Variants in ZNF2 observed in about 807,000 individuals in gnomAD.
ZNF2 encodes the protein zinc finger protein 2.2.
A neutral mutation model predicts 21.9 loss-of-function variants in ZNF2; 12 were observed. That is an observed-to-expected ratio of 0.55 (90% CI 0.35 to 0.89). ZNF2 has a LOEUF of 0.89. Ranked by LOEUF, ZNF2 falls within the 40% of genes least tolerant of loss-of-function variation. The pLI is 0.01. For synonymous variants in ZNF2, 186 were observed against 196.3 expected, an observed-to-expected ratio of 0.95 and a Z score of 0.44; for missense variants, 462 against 544.2, an observed-to-expected ratio of 0.85 and a Z score of 1.50.
chr2:95,171,620 A>G (rs541711696), intron 1 of ZNF2, among the ~76,000 whole-genome samples: 14 of 152,170 alleles, frequency 9.2e-5, no homozygotes, highest in African/African-American at 3.4e-4. Flanking sequence ...TGACCTCGTG[A>G]TCCACCCGCC....
At chr2:95,167,223 G>T (rs1674092906) in intron 1 of ZNF2, among the ~76,000 whole-genome samples, 1 of 152,204 alleles carries the variant, frequency 6.6e-6, no homozygotes, top group Non-Finnish European at 1.5e-5. Flanking sequence ...AGATAATATG[G>T]CCGGGCACAG....
chr2:95,176,413 C>T (rs1237158224), intron 2 of ZNF2, among the ~76,000 whole-genome samples, 154 bp downstream of exon 2: 2 of 152,208 alleles, frequency 1.3e-5, no homozygotes, highest in Non-Finnish European at 2.9e-5. Context: ...TTGAGGTATC[C>T]TTTAGTGACC....
chr2:95,177,337 CCA>C (rs1191683737), intron 2 of ZNF2, 144 bp from the exon 3 acceptor site: 2 of 812,472 alleles, frequency 2.5e-6, no homozygotes, highest in African/African-American at 3.0e-5. Context: ...GCCACTTTTC[CCA>C]AATGCTTTAA....
chr2:95,178,571 G>T (rs562569754), intron 3 of ZNF2, among the ~76,000 whole-genome samples: 2 of 152,132 alleles, frequency 1.3e-5, no homozygotes, highest in Non-Finnish European at 2.9e-5. Context: ...CAGAAAACCC[G>T]GTAGACAATC....
chr2:95,183,735 C>G lies in ZNF2; in HGVS notation c.*1629C>G, dbSNP rs1359704982. 3.3e-5 allele frequency: 5 copies of G among 151,532 alleles called. No individual in the cohort carries two copies. Among genetic ancestry groups the G allele is most frequent in the African/African-American group, 1.2e-4 (5 of 41,104 alleles). The allele number at this position is 151,532 out of a possible 1,614,324, so 9.4% of individuals were successfully genotyped here. A position where few individuals can be genotyped will look rare whatever the true frequency, so the allele number is the denominator to read the frequency against. On this transcript the variant is annotated 3_prime_UTR_variant, in exon 5 of 5. Transcript: ENST00000614034. Reference sequence around the variant, plus strand: ...TCCCGGGTTCACGCCATTCTCCTGCCTCAGCCTCCCGAATAGCTGGGACTA... The same window carrying G: ...TCCCGGGTTCACGCCATTCTCCTGCGTCAGCCTCCCGAATAGCTGGGACTA...
intron 1 of ZNF2, among the ~76,000 whole-genome samples, chr2:95,172,825 C>T (rs1159656481): frequency 6.6e-6 from 1 of 151,784 alleles, no homozygotes; most frequent in Non-Finnish European, 1.5e-5. Flanking sequence ...TTAGTAGAGA[C>T]GGGATTTCAC....
Position 95,181,189 on chromosome 2 carries a change from C to T in ZNF2, c.361C>T (p.Leu121=). ...GGAATGCCTTGGAAGGCAAAGTCCT[C>T]TGTGTCCTAAATTTGAAGTTCATAC... is the stretch of plus-strand genomic sequence containing the variant. ...LRECLGRQSP[L]CPKFEVHTPN... is the part of the protein sequence containing the mutation. The change falls in exon 5 of 5, where the codon CTG becomes TTG. Residue 121 remains leucine (L), a synonymous_variant. Coordinates refer to ENST00000614034, the MANE Select transcript of ZNF2 (RefSeq NM_021088.4). 6.2e-7 allele frequency: 1 copy of T among 1,614,206 alleles called. No individual in the cohort carries two copies. Among genetic ancestry groups the T allele is most frequent in the Non-Finnish European group, 8.5e-7 (1 of 1,180,042 alleles).
At chr2:95,176,139 C>A in intron 1 of ZNF2, 49 bp from the exon 2 acceptor site, 1 of 1,511,460 alleles carries the variant, frequency 6.6e-7, no homozygotes, top group Non-Finnish European at 9.2e-7. Context: ...TGCGACAGGA[C>A]TGGTCTTTCT....
chr2:95,179,044 T>G (rs1410418446), intron 3 of ZNF2, among the ~76,000 whole-genome samples: 1 of 150,618 alleles, frequency 6.6e-6, no homozygotes, highest in Non-Finnish European at 1.5e-5. Flanking sequence ...TAGGTTGGAG[T>G]GCAGTGATGC....
intron 3 of ZNF2, among the ~76,000 whole-genome samples, 171 bp from the exon 4 acceptor site, chr2:95,179,988 T>C (rs543896681): frequency 9.9e-5 from 15 of 152,222 alleles, no homozygotes; most frequent in Non-Finnish European, 1.6e-4. Flanking sequence ...ACCTGGGAGA[T>C]GGAGGTTGCA....
intron 1 of ZNF2, among the ~76,000 whole-genome samples, chr2:95,168,339 C>T (rs1186190381): frequency 6.6e-6 from 1 of 151,528 alleles, no homozygotes; most frequent in Non-Finnish European, 1.5e-5. Context: ...GCAGGAGAAT[C>T]GCTTGAACCT....
chr2:95,171,400 C>T (rs1465160401), intron 1 of ZNF2, among the ~76,000 whole-genome samples: 5 of 150,772 alleles, frequency 3.3e-5, no homozygotes, highest in Admixed American at 6.6e-5. Flanking sequence ...TTTTTTTCCC[C>T]GACTCAGAGT....
At position 95,181,408 on chromosome 2, in the gene ZNF2, ACT is replaced by A. The variant is rs1674644235; in HGVS notation, c.582_583del (p.Thr196TrpfsTer44). 6.2e-7 allele frequency: 1 copy of A among 1,614,058 alleles called. No individual in the cohort carries two copies. Among genetic ancestry groups the A allele is most frequent in the Admixed American group, 1.7e-5 (1 of 60,000 alleles). ...CTCATCCCTCACCCGCCATCAGAGG[ACT>A]CACACTGGGGAGAAGCCCTACGACT... ...DHSSLTRHQR[T>X]HTGEKPYDCR... is the part of the protein sequence containing the mutation. On this transcript the variant is annotated frameshift_variant, in exon 5 of 5. Transcript: ENST00000614034. LOFTEE classifies it high-confidence loss of function.
chr2:95,171,065 A>C (rs1328740484), intron 1 of ZNF2, among the ~76,000 whole-genome samples: 2 of 152,176 alleles, frequency 1.3e-5, no homozygotes, highest in Non-Finnish European at 1.5e-5. Flanking sequence ...ATTTTATATT[A>C]ACTTTTCTAT....
rs1674335026 is a variant in ZNF2 at position 95,173,017 on chromosome 2, C to T, written c.-39-3171C>T. On this transcript the variant is annotated intron_variant, in intron 1 of 4. Coordinates refer to ENST00000614034, the MANE Select transcript of ZNF2 (RefSeq NM_021088.4). ...GCATTACAGATAAAGCTGAAGTATC[C>T]TGGGTATCCTTCCCCAGTCTTATTT... is the stretch of plus-strand genomic sequence containing the variant. Among the ~76,000 whole-genome samples the T allele has an allele frequency of 2.0e-5, 3 of 151,102 alleles. No individual in the cohort carries two copies. In the South Asian group the frequency reaches 6.3e-4, roughly 32 times the overall value.
rs751216854 is a variant in ZNF2, at chr2:95,180,291, G to A, written c.274+19G>A. The A allele has an allele frequency of 6.5e-7, 1 of 1,549,744 alleles. No individual in the cohort carries two copies. Among genetic ancestry groups the A allele is most frequent in the Non-Finnish European group, 8.9e-7 (1 of 1,129,152 alleles). On this transcript the variant is annotated intron_variant, in intron 4 of 4. Transcript: ENST00000614034. ...TCTCTAGGTAACTGAGTGTGAACAA[G>A]ACAGAATGGAATTTTGTTTGGCTTT... is the stretch of plus-strand genomic sequence containing the variant.
intron 1 of ZNF2, among the ~76,000 whole-genome samples, chr2:95,175,695 G>T (rs544498480): frequency 1.3e-5 from 2 of 152,164 alleles, no homozygotes; most frequent in Non-Finnish European, 2.9e-5. Context: ...AATCAGTGTG[G>T]CTCCGGGAAT....
intron 1 of ZNF2, among the ~76,000 whole-genome samples, chr2:95,173,706 T>C (rs1302766521): frequency 6.6e-6 from 1 of 152,188 alleles, no homozygotes; most frequent in Non-Finnish European, 1.5e-5. Flanking sequence ...GATGGGTTTT[T>C]TTGTTTTGGT....
chr2:95,181,893 C>A lies in ZNF2; in HGVS notation c.1065C>A (p.Ser355=). Residue 355 remains serine, a synonymous_variant, in exon 5 of 5, where the codon TCC becomes TCA. Transcript: ENST00000614034. The part of the protein sequence containing the change: ...ECGKAFFDRS[S]LTQHQKIHTG... ...GCAAAGCTTTCTTTGACCGCTCATC[C>A]CTTACACAGCATCAGAAGATCCACA... is the stretch of plus-strand genomic sequence containing the variant. The A allele has an allele frequency of 1.2e-6, 2 of 1,614,014 alleles. No homozygotes were observed. The highest frequency in any genetic ancestry group is 2.7e-5 in the African/African-American group (2 of 74,988).
Sources: gnomAD v4.1 joint callset for allele counts (sites outside exome capture counted in the v4.1 genomes callset) on GRCh38, gnomAD v4.1.1 for gene constraint, MANE v1.5 for transcripts, NCBI Gene and HGNC (gene_info 2026-07-23, HGNC 2026-07-21) for gene names.